The following SGCD variants were observed in gnomAD, a reference collection of about 807,000 sequenced individuals.
The protein encoded by SGCD is delta-sarcoglycan.
SGCD carries 18 observed loss-of-function variants against 36.6 expected under a neutral mutation model. The ratio of observed to expected loss-of-function variants is 0.49; its 90% CI spans 0.34 to 0.73. SGCD has a LOEUF of 0.73. Ranked by LOEUF, SGCD falls within the 30% of genes least tolerant of loss-of-function variation. SGCD has a pLI of 0.01. For synonymous variants in SGCD, 133 were observed against 130.6 expected (o/e 1.02, Z -0.12); for missense variants, 387 against 346.7 (o/e 1.12, Z -0.92).
chr5:156,151,436 T>A (rs1762832739), intron 3 of SGCD, among the ~76,000 whole-genome samples: 1 of 151,736 alleles, frequency 6.6e-6, no homozygotes, highest in Non-Finnish European at 1.5e-5. Context: ...GATTCCTTAT[T>A]TTCTTTAGAA....
chr5:155,883,453 G>A (rs1755931636), intron 1 of SGCD, among the ~76,000 whole-genome samples: 2 of 152,026 alleles, frequency 1.3e-5, no homozygotes, highest in African/African-American at 4.8e-5. Flanking sequence ...AACACTTAAA[G>A]CCCATTGTAG....
At chr5:156,165,636 T>C (rs987846265) in intron 3 of SGCD, among the ~76,000 whole-genome samples, 1 of 152,184 alleles carries the variant, frequency 6.6e-6, no homozygotes, top group African/African-American at 2.4e-5. Context: ...GAAAGAGTGC[T>C]TCAGACCTGG....
chr5:156,170,850 A>G (rs548809661), intron 3 of SGCD, among the ~76,000 whole-genome samples: 11 of 152,314 alleles, frequency 7.2e-5, no homozygotes, highest in Non-Finnish European at 1.2e-4. Context: ...AAGAGAAGAA[A>G]TTGCTGCTTT....
chr5:156,088,254 G>A (rs1057322891), intron 1 of SGCD, among the ~76,000 whole-genome samples: 1 of 151,976 alleles, frequency 6.6e-6, no homozygotes, highest in Non-Finnish European at 1.5e-5. Flanking sequence ...CATCATTTTT[G>A]TATCTAGTAG....
intron 1 of SGCD, among the ~76,000 whole-genome samples, chr5:155,968,718 T>C (rs78201938): frequency 0.025 from 3,775 of 152,168 alleles, 158 homozygotes; most frequent in African/African-American, 0.081. Context: ...GGGACTGCCA[T>C]ACATTCTTCT....
chr5:156,593,724 C>T (rs942469204), intron 5 of SGCD, among the ~76,000 whole-genome samples: 1 of 152,056 alleles, frequency 6.6e-6, no homozygotes, highest in Non-Finnish European at 1.5e-5. Flanking sequence ...TGTGTTGTCC[C>T]TCACTGCAAT....
rs566864853 is a variant in SGCD, at chr5:155,886,722, C to G, written c.-282+16298C>G. 1.3e-4 allele frequency among the ~76,000 whole-genome samples: 20 copies of G among 152,302 alleles called. No individual in the cohort carries two copies. In the South Asian group the frequency reaches 4.1e-3, roughly 32 times the overall value. On this transcript the variant is annotated intron_variant, in intron 1 of 9. Coordinates refer to the SGCD transcript ENST00000517913. ...AGAATAAAGACAAGTTCAGGATGGG[C>G]AGGAATTTATCAGTCAAGCTTCTGG...
chr5:156,303,555 G>T (rs1053629754), intron 3 of SGCD, among the ~76,000 whole-genome samples: 5 of 150,792 alleles, frequency 3.3e-5, no homozygotes, highest in Non-Finnish European at 7.4e-5. Flanking sequence ...CTGTCCTCAT[G>T]GTCACCATAG....
chr5:156,482,264 C>T (rs150626720), intron 3 of SGCD, among the ~76,000 whole-genome samples: 1 of 151,394 alleles, frequency 6.6e-6, no homozygotes, highest in South Asian at 2.1e-4. Flanking sequence ...AAATTGAAAT[C>T]CTGAAAAAAA....
intron 1 of SGCD, among the ~76,000 whole-genome samples, chr5:156,048,357 C>A (rs906571404): frequency 6.6e-6 from 1 of 152,154 alleles, no homozygotes; most frequent in African/African-American, 2.4e-5. Flanking sequence ...ATGGCTGGGT[C>A]AAATGGTATT....
At chr5:156,610,579 G>A (rs1761745900) in intron 6 of SGCD, among the ~76,000 whole-genome samples, 1 of 152,202 alleles carries the variant, frequency 6.6e-6, no homozygotes, top group Non-Finnish European at 1.5e-5. Flanking sequence ...TGTCTGACAG[G>A]GACATTTAAG....
At chr5:156,429,717 T>C (rs988254530) in intron 3 of SGCD, among the ~76,000 whole-genome samples, 5 of 152,268 alleles carry the variant, frequency 3.3e-5, no homozygotes, top group African/African-American at 2.4e-5. Flanking sequence ...GATCTGGTAG[T>C]GGCAAATTCT....
chr5:156,027,990 G>A lies in SGCD; in HGVS notation c.-281-89888G>A, dbSNP rs1428790646. 3.3e-5 allele frequency among the ~76,000 whole-genome samples: 5 copies of A among 152,294 alleles called. No homozygotes were observed. In the East Asian group the frequency reaches 9.7e-4, roughly 29 times the overall value. ...CAAAAAAGGGTGGACTCTGTGTGAA[G>A]CTTCTTTAATAAGATGTGAATCCCA... On this transcript the variant is annotated intron_variant, in intron 1 of 9. Coordinates refer to the SGCD transcript ENST00000517913.
chr5:156,076,123 T>G (rs1474964348), intron 1 of SGCD, among the ~76,000 whole-genome samples: 1 of 152,002 alleles, frequency 6.6e-6, no homozygotes, highest in Non-Finnish European at 1.5e-5. Flanking sequence ...CATACTGAAA[T>G]AGGGAGTGAT....
At chr5:155,798,659 C>T in the SGCD span, among the ~76,000 whole-genome samples, 2 of 152,168 alleles carry the variant, frequency 1.3e-5, no homozygotes, top group African/African-American at 4.8e-5. Context: ...AATCAGTGAT[C>T]TCATCCTTTG....
At chr5:156,475,393 G>T (rs1034274369) in intron 3 of SGCD, among the ~76,000 whole-genome samples, 10 of 152,190 alleles carry the variant, frequency 6.6e-5, no homozygotes, top group Non-Finnish European at 1.2e-4. Flanking sequence ...CAAGCTGCTG[G>T]TGTTGGGGAG....
At chr5:156,094,511 A>C (rs1245981917) in intron 1 of SGCD, among the ~76,000 whole-genome samples, 1 of 152,156 alleles carries the variant, frequency 6.6e-6, no homozygotes, top group Non-Finnish European at 1.5e-5. Context: ...CCTTTGACAA[A>C]ATAATTTTAG....
intron 6 of SGCD, among the ~76,000 whole-genome samples, chr5:156,627,036 C>T (rs1381604791): frequency 6.6e-6 from 1 of 152,192 alleles, no homozygotes; most frequent in Non-Finnish European, 1.5e-5. Context: ...TCCTTCTCTT[C>T]CTTTAAGGCT....
At chr5:156,385,833 C>A (rs1244459415) in intron 3 of SGCD, among the ~76,000 whole-genome samples, 1 of 152,208 alleles carries the variant, frequency 6.6e-6, no homozygotes, top group Non-Finnish European at 1.5e-5. Context: ...GAGCAGTGGC[C>A]TGCACTGTGC....
Sources: gnomAD v4.1 joint callset for allele counts (sites outside exome capture counted in the v4.1 genomes callset) on GRCh38, gnomAD v4.1.1 for gene constraint, MANE v1.5 for transcripts, NCBI Gene and HGNC (gene_info 2026-07-23, HGNC 2026-07-21) for gene names.